Variants in MDFIC observed in about 807,000 individuals in gnomAD.
MDFIC encodes the protein myoD family inhibitor domain-containing protein.
A neutral mutation model predicts 23.2 loss-of-function variants in MDFIC; 17 were observed. The ratio of observed to expected loss-of-function variants is 0.73; its 90% CI spans 0.50 to 1.10. MDFIC has a LOEUF of 1.10. Among genes scored for constraint, MDFIC ranks in the 50% least tolerant of loss-of-function variants. The pLI is 0.00. For synonymous variants in MDFIC, 120 were observed against 115.2 expected (o/e 1.04, Z -0.27); for missense variants, 356 against 316.6 (o/e 1.12, Z -0.95).
chr7:114,948,280 T>C (rs1032993206), intron 3 of MDFIC, among the ~76,000 whole-genome samples: 2 of 152,158 alleles, frequency 1.3e-5, no homozygotes, highest in Non-Finnish European at 2.9e-5. Context: ...AAGTTTGAAG[T>C]ATGTATAGAT....
intron 4 of MDFIC, among the ~76,000 whole-genome samples, chr7:114,984,024 C>G (rs1420558759): frequency 6.6e-6 from 1 of 152,038 alleles, no homozygotes; most frequent in Non-Finnish European, 1.5e-5. Flanking sequence ...GCAACAGGTG[C>G]ATGGTAAAAT....
At chr7:114,964,336 GA>G (rs1793051702) in intron 3 of MDFIC, among the ~76,000 whole-genome samples, 1 of 152,174 alleles carries the variant, frequency 6.6e-6, no homozygotes, top group South Asian at 2.1e-4. Flanking sequence ...TTATATCTGG[GA>G]AGTACAGGGA....
chr7:114,959,591 C>T (rs1792946856), intron 3 of MDFIC, among the ~76,000 whole-genome samples: 2 of 152,082 alleles, frequency 1.3e-5, no homozygotes, highest in Non-Finnish European at 2.9e-5. Context: ...ATTCAGATAA[C>T]TTAATTTCAA....
chr7:114,942,317 C>T lies in MDFIC; in HGVS notation c.137C>T (p.Ala46Val), dbSNP rs1229637017. 6.3e-7 allele frequency: 1 copy of T among 1,588,638 alleles called. No individual in the cohort carries two copies. The highest frequency in any genetic ancestry group is 8.6e-7 in the Non-Finnish European group (1 of 1,159,862). ...AATACTGAGAAAGATATAACTCAAG[C>T]TACCAATAGCCACTTCACACATGGA... ...KDNTEKDITQ[A>V]TNSHFTHGEM... is the part of the protein sequence containing the mutation. Residue 46 changes from alanine to valine, a missense_variant, in exon 3 of 5, where the codon GCT (alanine) becomes GTT (valine). Transcript: ENST00000393486.
At chr7:114,994,671 A>G (rs1362431474) in intron 4 of MDFIC, among the ~76,000 whole-genome samples, 1 of 152,220 alleles carries the variant, frequency 6.6e-6, no homozygotes, top group Non-Finnish European at 1.5e-5. Flanking sequence ...AATGTTGAAC[A>G]TTGCCCCCCA....
intron 4 of MDFIC, among the ~76,000 whole-genome samples, chr7:115,011,453 A>G (rs1304019424): frequency 6.6e-6 from 1 of 152,236 alleles, no homozygotes; most frequent in Non-Finnish European, 1.5e-5. Flanking sequence ...CATTGAAGCT[A>G]GAGCTCCCAT....
At chr7:114,971,853 C>G (rs191463313) in intron 3 of MDFIC, among the ~76,000 whole-genome samples, 7 of 151,792 alleles carry the variant, frequency 4.6e-5, no homozygotes, top group South Asian at 2.1e-4. Flanking sequence ...TCTATCACAT[C>G]ATAGTTTTTC....
Position 114,942,276 on chromosome 7 carries a change from A to G in MDFIC, c.96A>G (p.Gly32=). ...GGGQLGSTAQ[G]KCDKDNTEKD... ...TTAAATGTATCTTTTTTAATTCAGG[A>G]AAATGTGATAAAGACAATACTGAGA... The change falls in exon 3 of 5, where the codon GGA becomes GGG. Residue 32 remains glycine, a splice_region_variant and synonymous_variant. Coordinates refer to ENST00000393486, the MANE Select transcript of MDFIC (RefSeq NM_001166345.3). The G allele has an allele frequency of 6.7e-7, 1 of 1,485,442 alleles. No individual in the cohort carries two copies. The highest frequency in any genetic ancestry group is 9.1e-7 in the Non-Finnish European group (1 of 1,096,038). The allele number at this position is 1,485,442 out of a possible 1,614,324, so 92.0% of individuals were successfully genotyped here.
intron 2 of MDFIC, among the ~76,000 whole-genome samples, chr7:114,930,374 G>A (rs898484597): frequency 1.3e-4 from 20 of 152,168 alleles, no homozygotes; most frequent in African/African-American, 1.9e-4. Context: ...TATGTTAACC[G>A]GTCTTGTATT....
intron 4 of MDFIC, among the ~76,000 whole-genome samples, chr7:114,993,633 T>C (rs368020650): frequency 1.6e-4 from 25 of 152,210 alleles, no homozygotes; most frequent in East Asian, 5.8e-4. Flanking sequence ...GAGCAGGTTG[T>C]TCAGTTTCCA....
chr7:114,943,597 G>A (rs1389895989), intron 3 of MDFIC, among the ~76,000 whole-genome samples: 1 of 152,078 alleles, frequency 6.6e-6, no homozygotes, highest in Non-Finnish European at 1.5e-5. Flanking sequence ...TTTATCCAAA[G>A]AATCATATAA....
chr7:114,963,810 C>T (rs1288889196), intron 3 of MDFIC, among the ~76,000 whole-genome samples: 2 of 152,122 alleles, frequency 1.3e-5, no homozygotes, highest in Non-Finnish European at 2.9e-5. Context: ...GAATTCATGG[C>T]CTCAACTGAT....
intron 2 of MDFIC, among the ~76,000 whole-genome samples, chr7:114,933,601 A>T (rs1262654829): frequency 1.3e-5 from 2 of 152,098 alleles, no homozygotes; most frequent in African/African-American, 4.8e-5. Flanking sequence ...CAGTTAAGGG[A>T]CCTGCTATAG....
chr7:115,011,306 T>G (rs889143725), intron 4 of MDFIC, among the ~76,000 whole-genome samples: 1 of 152,344 alleles, frequency 6.6e-6, no homozygotes. Context: ...AATCAATATT[T>G]ATAAAGACCT....
chr7:114,935,532 G>GT (rs67332555), intron 2 of MDFIC, among the ~76,000 whole-genome samples: 120,588 of 149,490 alleles, frequency 0.81, 50,420 homozygotes, highest in Non-Finnish European at 0.91. Context: ...TTTTCTTTTT[G>GT]TTTTTTTTTG....
At chr7:114,949,568 G>A (rs550113321) in intron 3 of MDFIC, among the ~76,000 whole-genome samples, 4 of 152,180 alleles carry the variant, frequency 2.6e-5, no homozygotes, top group Non-Finnish European at 4.4e-5. Flanking sequence ...GAATTAAAGA[G>A]TAATTTTAAA....
chr7:114,971,760 TG>T (rs1458407409), intron 3 of MDFIC, among the ~76,000 whole-genome samples: 4 of 152,134 alleles, frequency 2.6e-5, no homozygotes, highest in Admixed American at 2.0e-4. Context: ...GTTTACTATC[TG>T]GGGATGTTTT....
intron 3 of MDFIC, among the ~76,000 whole-genome samples, chr7:114,965,268 G>A (rs867033628): frequency 6.6e-6 from 1 of 152,176 alleles, no homozygotes; most frequent in Non-Finnish European, 1.5e-5. Flanking sequence ...AGAAAACAAT[G>A]GCATAGGGGT....
intron 4 of MDFIC, among the ~76,000 whole-genome samples, chr7:114,981,321 A>AT (rs1392273184): frequency 2.0e-5 from 3 of 152,160 alleles, no homozygotes; most frequent in African/African-American, 4.8e-5. Context: ...ATGTTTATAA[A>AT]TTTTTTTATT....
Sources: gnomAD v4.1 joint callset for allele counts (sites outside exome capture counted in the v4.1 genomes callset) on GRCh38, gnomAD v4.1.1 for gene constraint, MANE v1.5 for transcripts, NCBI Gene and HGNC (gene_info 2026-07-23, HGNC 2026-07-21) for gene names.